Variants in TUBGCP2 observed in about 807,000 individuals in gnomAD.
TUBGCP2 encodes the protein gamma-tubulin complex component 2.
In TUBGCP2, 55 loss-of-function variants were observed where a neutral mutation model predicts 92.2. The ratio of observed to expected loss-of-function variants is 0.60; its 90% CI spans 0.48 to 0.75. The LOEUF (loss-of-function observed/expected upper bound fraction) is 0.75. Ranked by LOEUF, TUBGCP2 falls within the 30% of genes least tolerant of loss-of-function variation. The pLI is 0.00. For missense variants in TUBGCP2, 1,093 were observed against 1,188.9 expected, an observed-to-expected ratio of 0.92 and a Z score of 1.19; for synonymous variants, 533 against 505.2, an observed-to-expected ratio of 1.06 and a Z score of -0.74.
At chr10:133,311,645 T>C (rs1847990217), upstream of TUBGCP2, 11 of 1,312,616 alleles carry the variant, frequency 8.4e-6, no homozygotes, top group Non-Finnish European at 1.1e-5. Context: ...CTTTCTTGCA[T>C]GTTCATTTCT....
intron 11 of TUBGCP2, among the ~76,000 whole-genome samples, chr10:133,287,747 A>G (rs538271503): frequency 6.6e-6 from 1 of 152,222 alleles, no homozygotes; most frequent in South Asian, 2.1e-4. Flanking sequence ...GTCTCAAAAA[A>G]AAAAACAAAA....
chr10:133,291,247 C>CCCTCCGTGT (rs138609479), intron 8 of TUBGCP2, among the ~76,000 whole-genome samples: 2 of 69,002 alleles, frequency 2.9e-5, no homozygotes, highest in African/African-American at 2.1e-4. Context: ...CCCTCCGTGT[C>CCCTCCGTGT]CCCCATGTCC....
upstream of TUBGCP2, chr10:133,309,468 G>A (rs1234897587): frequency 1.2e-6 from 2 of 1,611,564 alleles, no homozygotes; most frequent in East Asian, 2.2e-5. Flanking sequence ...GCCCAGGTAA[G>A]CGAATGGGCA....
intron 13 of TUBGCP2, 130 bp from the exon 14 acceptor site, chr10:133,284,132 A>G (rs2136110583): frequency 7.0e-7 from 1 of 1,418,930 alleles, no homozygotes; most frequent in Non-Finnish European, 9.4e-7. Flanking sequence ...CTGCAGAGCA[A>G]GCGCCCCTCC....
chr10:133,307,158 G>A (rs985947769), intron 1 of TUBGCP2, among the ~76,000 whole-genome samples: 5 of 152,254 alleles, frequency 3.3e-5, no homozygotes, highest in South Asian at 2.1e-4. Flanking sequence ...TTGGAGGAAC[G>A]TCTAGCCATG....
chr10:133,298,731 G>A (rs1847551149), intron 4 of TUBGCP2, among the ~76,000 whole-genome samples: 1 of 152,248 alleles, frequency 6.6e-6, no homozygotes, highest in Non-Finnish European at 1.5e-5. Context: ...TCTGCACGTG[G>A]CAGTAAGACC....
intron 7 of TUBGCP2, 38 bp downstream of exon 7, chr10:133,293,001 A>C (rs777972947): frequency 1.2e-6 from 2 of 1,601,926 alleles, no homozygotes; most frequent in East Asian, 4.5e-5. Context: ...AACACCTGCC[A>C]CCCACCACTG....
In TUBGCP2 at chr10:133,292,681, C is replaced by T. The variant is rs531355441; in HGVS notation, c.1032G>A (p.Ser344=). The change falls in exon 8 of 18, where the codon TCG becomes TCA. Residue 344 remains serine (S), a synonymous_variant. Coordinates refer to ENST00000252936, the MANE Select transcript of TUBGCP2 (RefSeq NM_006659.4). ...CCCCAAGACATTCGCCTTTGTCCACCGAGGTGGCTGTGGGGAGAAAGGAGG... is the reference window on the plus strand; with the variant it reads ...CCCCAAGACATTCGCCTTTGTCCACTGAGGTGGCTGTGGGGAGAAAGGAGG... The part of the protein sequence containing the change: ...TMDILASLAT[S]VDKGECLGGS... The T allele has an allele frequency of 1.2e-6, 2 of 1,612,818 alleles. No homozygotes were observed. Among genetic ancestry groups the T allele is most frequent in the South Asian group, 1.1e-5 (1 of 90,926 alleles).
rs765210557 is a variant in TUBGCP2 at position 133,297,956 on chromosome 10, C to T, written c.612G>A (p.Pro204=). The T allele has an allele frequency of 1.7e-5, 27 of 1,613,078 alleles. No homozygotes were observed. In the East Asian group the frequency reaches 1.8e-4, roughly 11 times the overall value. ...GGAAATCAACGCATCACGTACCTAT[C>T]GGCAAAGCGGTGTCTGTGCTGATGC... ...GAGISTDTAL[P]IGTLPLASQE... The change falls in exon 5 of 18, where the codon CCG becomes CCA. Residue 204 remains proline (P), a synonymous_variant. Transcript: ENST00000252936.
chr10:133,300,181 C>T lies in TUBGCP2; in HGVS notation c.151-68G>A, dbSNP rs187364830. The T allele has an allele frequency of 6.7e-5, 104 of 1,560,980 alleles. 1 individual carries two copies. The Admixed American group carries it at 8.5e-4, about 13-fold the overall frequency. The stretch of plus-strand genomic sequence containing the variant: ...AAAGCACTGTAAAAAAAAACCTTTA[C>T]GAAAATTGAACACAATAAGCCAATG... On this transcript the variant is annotated intron_variant, in intron 2 of 17. Transcript: ENST00000252936.
At chr10:133,311,088 T>C (rs1564779125), upstream of TUBGCP2, among the ~76,000 whole-genome samples, 1 of 152,238 alleles carries the variant, frequency 6.6e-6, no homozygotes, top group Non-Finnish European at 1.5e-5. Flanking sequence ...AGGTATGAGC[T>C]ACCATGTCCA....
rs912340180 is a variant in TUBGCP2, at chr10:133,285,936, G to A, written c.1723-308C>T. ...TGAAAGAAACGTGATTCCTTAGGAC[G>A]AAAACCTTTGTACCATGATAAGCAC... On this transcript the variant is annotated intron_variant, in intron 11 of 17. Coordinates refer to ENST00000252936, the MANE Select transcript of TUBGCP2 (RefSeq NM_006659.4). This position sits in a 1 kb window ranked among gnomAD's most constrained non-coding sequence, Gnocchi z 6.8. Among the ~76,000 whole-genome samples, 2 of 152,140 alleles carry A rather than the reference G, an allele frequency of 1.3e-5. No homozygotes were observed. Among genetic ancestry groups the A allele is most frequent in the Non-Finnish European group, 2.9e-5 (2 of 68,028 alleles).
chr10:133,290,027 A>G, intron 8 of TUBGCP2, 58 bp from the exon 9 acceptor site: 1 of 1,595,064 alleles, frequency 6.3e-7, no homozygotes. Flanking sequence ...GAGGCAGGCG[A>G]CACTTCTCCA....
chr10:133,282,150 G>C (rs1350698831), intron 16 of TUBGCP2, 73 bp downstream of exon 16: 2 of 1,603,654 alleles, frequency 1.2e-6, no homozygotes, highest in East Asian at 2.2e-5. Flanking sequence ...TGTTCTCCCT[G>C]CGTCAGGATG....
chr10:133,310,382 C>T, upstream of TUBGCP2: 1 of 1,504,040 alleles, frequency 6.6e-7, no homozygotes. Context: ...ACTTATTAAG[C>T]ACTTGTGTGT....
At chr10:133,287,226 C>T (rs985993946) in intron 11 of TUBGCP2, among the ~76,000 whole-genome samples, 2 of 152,158 alleles carry the variant, frequency 1.3e-5, no homozygotes, top group African/African-American at 4.8e-5. Flanking sequence ...ACTGAGCAGA[C>T]CTGTGGCCAG....
intron 7 of TUBGCP2, 37 bp from the exon 8 acceptor site, chr10:133,292,725 A>G (rs914157211): frequency 1.9e-6 from 3 of 1,588,836 alleles, no homozygotes; most frequent in Admixed American, 1.7e-5. Flanking sequence ...CTGAGAAGGA[A>G]GCGCACGCCC....
intron 5 of TUBGCP2, among the ~76,000 whole-genome samples, chr10:133,294,916 CAATG>C (rs1347165094): frequency 6.6e-6 from 1 of 152,248 alleles, no homozygotes; most frequent in Non-Finnish European, 1.5e-5. Context: ...ACCGAGACCC[CAATG>C]TCTACCATCC....
chr10:133,289,048 T>A, intron 9 of TUBGCP2, 28 bp from the exon 10 acceptor site: 1 of 1,602,624 alleles, frequency 6.2e-7, no homozygotes. Flanking sequence ...CAAAATTTTA[T>A]TCTCCACATG....
Sources: gnomAD v4.1 joint callset for allele counts (sites outside exome capture counted in the v4.1 genomes callset) on GRCh38, gnomAD v4.1.1 for gene constraint, Gnocchi (gnomAD v3.1) non-coding constraint, MANE v1.5 for transcripts, NCBI Gene and HGNC (gene_info 2026-07-23, HGNC 2026-07-21) for gene names.